The following CSMD1 variants were observed in gnomAD, a reference collection of about 807,000 sequenced individuals.
CSMD1 encodes the protein CUB and Sushi multiple domains 1.
In CSMD1, 213 loss-of-function variants were observed where a neutral mutation model predicts 417.5. That is an observed-to-expected ratio of 0.51 (90% confidence interval 0.46 to 0.57). CSMD1 has a LOEUF of 0.57. Among genes scored for constraint, CSMD1 ranks in the 20% least tolerant of loss-of-function variants. The pLI is 0.00. For missense variants in CSMD1, 6,923 were observed against 4,529.7 expected, an observed-to-expected ratio of 1.53 and a Z score of -15.17; for synonymous variants, 2,862 against 1,736.8, an observed-to-expected ratio of 1.65 and a Z score of -16.11.
intron 2 of CSMD1, among the ~76,000 whole-genome samples, chr8:4,435,422 C>A (rs764040144): frequency 5.9e-5 from 9 of 152,110 alleles, no homozygotes; most frequent in African/African-American, 2.2e-4. Flanking sequence ...CCATGCAGGC[C>A]CAGAGTTTGT....
chr8:4,325,723 T>G (rs749519868), intron 3 of CSMD1, among the ~76,000 whole-genome samples: 1 of 152,086 alleles, frequency 6.6e-6, no homozygotes, highest in South Asian at 2.1e-4. Context: ...ATAGATGGAA[T>G]CCAACACTGA....
chr8:4,536,422 G>A lies in CSMD1; in HGVS notation c.302+100920C>T, dbSNP rs1187208037. Among the ~76,000 whole-genome samples, 5 of 152,010 alleles carry A rather than the reference G, an allele frequency of 3.3e-5. No homozygotes were observed. The East Asian group carries it at 9.7e-4, about 29-fold the overall frequency. On this transcript the variant is annotated intron_variant, in intron 2 of 69. Transcript: ENST00000635120. The stretch of plus-strand genomic sequence containing the variant: ...AATCATATATATACATATAGGTATG[G>A]ATACTCTCAGCCATTTGTATACGTG...
chr8:4,977,103 C>T (rs1243189099), intron 1 of CSMD1, among the ~76,000 whole-genome samples: 1 of 152,140 alleles, frequency 6.6e-6, no homozygotes, highest in African/African-American at 2.4e-5. Context: ...CAAGATGGAG[C>T]ACATTTATAT....
intron 1 of CSMD1, among the ~76,000 whole-genome samples, chr8:4,781,591 A>C (rs1797155230): frequency 6.6e-6 from 1 of 152,208 alleles, no homozygotes; most frequent in African/African-American, 2.4e-5. Flanking sequence ...TCTTATTTCA[A>C]ATCTAGTCTT....
At position 3,260,249 on chromosome 8, in the gene CSMD1, A is replaced by C. The variant is rs572134469; in HGVS notation, c.4153+23895T>G. ...ATATAACTAGGTTATCATTTTCTCA[A>C]AGTTGCTCTTCAGGGTGAGATCCTC... On this transcript the variant is annotated intron_variant, in intron 26 of 69. Coordinates refer to ENST00000635120, the MANE Select transcript of CSMD1 (RefSeq NM_033225.6). 2.0e-4 allele frequency among the ~76,000 whole-genome samples: 30 copies of C among 152,182 alleles called. No homozygotes were observed. In the East Asian group the frequency reaches 3.7e-3, roughly 19 times the overall value.
At chr8:4,183,985 C>A (rs913923917) in intron 3 of CSMD1, among the ~76,000 whole-genome samples, 1 of 152,044 alleles carries the variant, frequency 6.6e-6, no homozygotes, top group Admixed American at 6.6e-5. Flanking sequence ...TCAGAGCCTC[C>A]GACAGTGTCA....
At chr8:3,114,596 G>C (rs1816742217) in intron 42 of CSMD1, among the ~76,000 whole-genome samples, 1 of 151,910 alleles carries the variant, frequency 6.6e-6, no homozygotes, top group Non-Finnish European at 1.5e-5. Context: ...AGCATTTTCA[G>C]AGAAGAATCC....
intron 5 of CSMD1, among the ~76,000 whole-genome samples, chr8:3,874,224 A>G (rs115031400): frequency 6.6e-6 from 1 of 152,040 alleles, no homozygotes; most frequent in Non-Finnish European, 1.5e-5. Context: ...CCTTCCTGCA[A>G]TTTTCTAAAG....
chr8:3,501,001 T>C (rs1269048486), intron 10 of CSMD1, among the ~76,000 whole-genome samples: 1 of 152,226 alleles, frequency 6.6e-6, no homozygotes, highest in Non-Finnish European at 1.5e-5. Context: ...ATATTGTTGC[T>C]ACTTTGATTC....
chr8:4,600,067 C>T (rs956549356), intron 2 of CSMD1, among the ~76,000 whole-genome samples: 13 of 152,284 alleles, frequency 8.5e-5, no homozygotes, highest in African/African-American at 1.4e-4. Flanking sequence ...TTGTCCTTCC[C>T]TTTTATACTG....
At chr8:3,248,245 T>C (rs558544202) in intron 26 of CSMD1, among the ~76,000 whole-genome samples, 3 of 152,190 alleles carry the variant, frequency 2.0e-5, no homozygotes, top group Non-Finnish European at 4.4e-5. Context: ...AAGAATGAAA[T>C]TTTAACTTGC....
intron 37 of CSMD1, among the ~76,000 whole-genome samples, chr8:3,170,653 T>C (rs1820530722): frequency 6.6e-6 from 1 of 152,238 alleles, no homozygotes; most frequent in Admixed American, 6.5e-5. Flanking sequence ...ATTGTGAATT[T>C]AATTTTTAAT....
intron 5 of CSMD1, among the ~76,000 whole-genome samples, chr8:3,901,817 G>A (rs2627425): frequency 0.39 from 58,943 of 152,070 alleles, 15,450 homozygotes; most frequent in African/African-American, 0.75. Flanking sequence ...GTGTTCACAA[G>A]TATTCTTTGT....
At chr8:4,217,905 C>T (rs1800779219) in intron 3 of CSMD1, among the ~76,000 whole-genome samples, 1 of 152,030 alleles carries the variant, frequency 6.6e-6, no homozygotes, top group Non-Finnish European at 1.5e-5. Context: ...TGAGACTATG[C>T]AAAGAAGAAG....
chr8:4,876,874 G>A (rs1803074511), intron 1 of CSMD1, among the ~76,000 whole-genome samples: 1 of 151,968 alleles, frequency 6.6e-6, no homozygotes, highest in Admixed American at 6.6e-5. Context: ...AGGTAAGAAT[G>A]AGCAAAAAGG....
At chr8:3,794,275 T>C (rs1193977119) in intron 5 of CSMD1, among the ~76,000 whole-genome samples, 1 of 152,176 alleles carries the variant, frequency 6.6e-6, no homozygotes, top group Non-Finnish European at 1.5e-5. Flanking sequence ...CTACTTCCCT[T>C]AGTATTCCTA....
intron 21 of CSMD1, among the ~76,000 whole-genome samples, chr8:3,358,737 T>G (rs962181771): frequency 6.6e-6 from 1 of 152,092 alleles, no homozygotes; most frequent in Non-Finnish European, 1.5e-5. Flanking sequence ...AAAACAAAAT[T>G]GTCACCATCG....
chr8:3,293,847 C>A (rs931945189), intron 25 of CSMD1, among the ~76,000 whole-genome samples: 1 of 152,198 alleles, frequency 6.6e-6, no homozygotes, highest in Admixed American at 6.5e-5. Flanking sequence ...CATTCTCCAT[C>A]CAGCTTTGTT....
rs142681190 is a variant in CSMD1, at chr8:4,146,708, T to C, written c.416-114609A>G. 6.5e-5 allele frequency among the ~76,000 whole-genome samples: 9 copies of C among 137,892 alleles called. 1 individual carries two copies. Among genetic ancestry groups the C allele is most frequent in the African/African-American group, 2.5e-4 (9 of 36,096 alleles). The allele number at this position is 137,892 out of a possible 152,430, so 90.5% of individuals were successfully genotyped here. A position where few individuals can be genotyped will look rare whatever the true frequency, so the allele number is the denominator to read the frequency against. On this transcript the variant is annotated intron_variant, in intron 3 of 69. Coordinates refer to ENST00000635120, the MANE Select transcript of CSMD1 (RefSeq NM_033225.6). The stretch of plus-strand genomic sequence containing the variant: ...CTCACTGCAAGCTCCACCTCCCGAG[T>C]TCACGCCATTCTCCTGCCTCAGCCT...
Sources: gnomAD v4.1 joint callset for allele counts (sites outside exome capture counted in the v4.1 genomes callset) on GRCh38, gnomAD v4.1.1 for gene constraint, MANE v1.5 for transcripts, NCBI Gene and HGNC (gene_info 2026-07-23, HGNC 2026-07-21) for gene names.